The following GPC3 variants were observed in gnomAD, a reference collection of about 807,000 sequenced individuals.
GPC3 encodes the protein glypican 3, also known as glypican-3.
A neutral mutation model predicts 34.4 loss-of-function variants in GPC3; 3 were observed. That is an observed-to-expected ratio of 0.09 (90% CI 0.04 to 0.23). The LOEUF is 0.23. Ranked by LOEUF, GPC3 falls within the 10% of genes least tolerant of loss-of-function variation. The probability of loss-of-function intolerance (pLI) is 1.00; values close to 1 mark genes in which losing one functional copy is unlikely to be tolerated. For synonymous variants in GPC3, 177 were observed against 174.0 expected, an observed-to-expected ratio of 1.02 and a Z score of -0.13; for missense variants, 351 against 445.6, an observed-to-expected ratio of 0.79 and a Z score of 1.91.
intron 2 of GPC3, among the ~76,000 whole-genome samples, chrX:133,833,548 C>T (rs1250753495): frequency 9.0e-6 from 1 of 111,489 alleles, no homozygotes; most frequent in Non-Finnish European, 1.9e-5. Context: ...AGGGCCACAA[C>T]CCAGCCACCA....
intron 6 of GPC3, among the ~76,000 whole-genome samples, chrX:133,618,621 A>C (rs748874869): frequency 9.2e-6 from 1 of 108,545 alleles, no homozygotes; most frequent in African/African-American, 3.4e-5. Context: ...GAATCACTTG[A>C]ACCCAGGAGG....
intron 6 of GPC3, among the ~76,000 whole-genome samples, chrX:133,637,261 A>G (rs1278331796): frequency 9.1e-6 from 1 of 110,186 alleles, no homozygotes; most frequent in African/African-American, 3.3e-5. Flanking sequence ...TCAGGTCAGG[A>G]GTTTGGTACC....
At chrX:133,550,507 G>T (rs1335583047) in intron 7 of GPC3, among the ~76,000 whole-genome samples, 1 of 111,881 alleles carries the variant, frequency 8.9e-6, no homozygotes, top group East Asian at 2.8e-4. Flanking sequence ...ACTAGACTGT[G>T]CTTCATTGAA....
chrX:133,704,360 C>T, intron 3 of GPC3: 1 of 381,155 alleles, frequency 2.6e-6, no homozygotes, highest in Non-Finnish European at 4.3e-6. Context: ...TTGACCTATG[C>T]CTGAGGAACC....
chrX:133,932,105 A>C (rs1038095699), intron 2 of GPC3, among the ~76,000 whole-genome samples: 1 of 112,290 alleles, frequency 8.9e-6, no homozygotes, highest in African/African-American at 3.2e-5. Context: ...CAGAAAGCTC[A>C]GTGTATATAA....
At chrX:133,861,563 G>A (rs1415422361) in intron 2 of GPC3, among the ~76,000 whole-genome samples, 9 of 111,547 alleles carry the variant, frequency 8.1e-5, no homozygotes, top group African/African-American at 2.9e-4. Context: ...CATACAGGAA[G>A]TTTTTAGCTC....
intron 2 of GPC3, among the ~76,000 whole-genome samples, chrX:133,757,308 A>G (rs2071735325): frequency 8.9e-6 from 1 of 111,772 alleles, no homozygotes; most frequent in African/African-American, 3.3e-5. Flanking sequence ...CCCTTTGGAC[A>G]TGCTCCAGTG....
At chrX:133,653,401 G>T (rs963164767) in intron 6 of GPC3, among the ~76,000 whole-genome samples, 1 of 111,641 alleles carries the variant, frequency 9.0e-6, no homozygotes. Context: ...CTAATATGAT[G>T]CTAATTTTGT....
intron 2 of GPC3, among the ~76,000 whole-genome samples, chrX:133,794,196 C>A (rs2075564920): frequency 8.9e-6 from 1 of 111,949 alleles, no homozygotes; most frequent in South Asian, 3.7e-4. Flanking sequence ...TCACCTGGTC[C>A]AGGGTGTGGA....
intron 3 of GPC3, among the ~76,000 whole-genome samples, chrX:133,701,226 A>C (rs1007574698): frequency 4.5e-5 from 5 of 111,563 alleles, no homozygotes; most frequent in African/African-American, 1.6e-4. Flanking sequence ...CAAAAGCCTA[A>C]ATGAACCTCC....
intron 2 of GPC3, among the ~76,000 whole-genome samples, chrX:133,834,392 A>G (rs2075790346): frequency 8.9e-6 from 1 of 111,917 alleles, no homozygotes; most frequent in Admixed American, 9.5e-5. Flanking sequence ...GAGGGAGGAA[A>G]GTGTCTGTCC....
chrX:133,848,984 T>C (rs1603258969), intron 2 of GPC3, among the ~76,000 whole-genome samples: 1 of 110,493 alleles, frequency 9.1e-6, no homozygotes, highest in South Asian at 3.9e-4. Flanking sequence ...ACATGGCTGA[T>C]CTCCATCTGT....
chrX:133,700,876 T>TAATA (rs775718441), intron 3 of GPC3, among the ~76,000 whole-genome samples: 217 of 110,817 alleles, frequency 2.0e-3, no homozygotes, highest in African/African-American at 6.4e-3. Flanking sequence ...ATCCTGTTTC[T>TAATA]AATAAATAAA....
rs2069540025 is a variant in GPC3 at position 133,561,686 on chromosome X, A to C, written c.1574-25393T>G. 6.2e-5 allele frequency among the ~76,000 whole-genome samples: 7 copies of C among 112,183 alleles called. No homozygotes were observed. The South Asian group carries it at 2.2e-3, about 35-fold the overall frequency. On this transcript the variant is annotated intron_variant, in intron 7 of 7. Coordinates refer to ENST00000370818, the MANE Select transcript of GPC3 (RefSeq NM_004484.4). ...CTTGCTTAAGAATTTCATCCTATTT[A>C]CATTTCTTCTCCTTTTAAATATCCT...
chrX:133,596,608 AAAC>A lies in GPC3; in HGVS notation c.1414-12_1414-10del. 3 of 1,208,224 alleles carry A rather than the reference AAAC, an allele frequency of 2.5e-6. No homozygotes were observed. Among genetic ancestry groups the A allele is most frequent in the Non-Finnish European group, 3.4e-6 (3 of 892,151 alleles). ...GACATGGTTCTCAGGAGCTGAAAGAAAACAACCAGGAATGCATCAGCTCTTCAT... is the reference window on the plus strand; with the variant it reads ...GACATGGTTCTCAGGAGCTGAAAGAAAACCAGGAATGCATCAGCTCTTCAT... On this transcript the variant is annotated splice_polypyrimidine_tract_variant and intron_variant, in intron 6 of 7. Transcript: ENST00000370818.
At chrX:133,874,055 G>A (rs762051245) in intron 2 of GPC3, among the ~76,000 whole-genome samples, 1 of 111,150 alleles carries the variant, frequency 9.0e-6, no homozygotes, top group African/African-American at 3.3e-5. Context: ...AGGTTTATCT[G>A]GGATCCAACT....
intron 1 of GPC3, among the ~76,000 whole-genome samples, chrX:133,959,417 T>C (rs1203643336): frequency 1.8e-5 from 2 of 112,330 alleles, no homozygotes; most frequent in Non-Finnish European, 3.8e-5. Flanking sequence ...GCTGTTTCAA[T>C]GTGTCAGTTC....
chrX:133,956,470 A>C (rs902760958), intron 1 of GPC3, among the ~76,000 whole-genome samples: 1 of 111,809 alleles, frequency 8.9e-6, no homozygotes, highest in Non-Finnish European at 1.9e-5. Flanking sequence ...AAATTTAAAC[A>C]ATGCTGGTTG....
intron 2 of GPC3, among the ~76,000 whole-genome samples, chrX:133,796,226 T>C (rs1465977054): frequency 8.9e-6 from 1 of 112,070 alleles, no homozygotes; most frequent in African/African-American, 3.2e-5. Flanking sequence ...ATTACAGGCG[T>C]GAGCCACCGC....
Sources: gnomAD v4.1 joint callset for allele counts (sites outside exome capture counted in the v4.1 genomes callset) on GRCh38, gnomAD v4.1.1 for gene constraint, MANE v1.5 for transcripts, NCBI Gene and HGNC (gene_info 2026-07-23, HGNC 2026-07-21) for gene names.